DNAH7: variants seen among roughly 807,000 people sequenced by gnomAD.
DNAH7 encodes axonemal beta dynein heavy chain 7.
Under a neutral mutation model 444.6 loss-of-function variants are expected in DNAH7, and 397 were observed. That is an observed-to-expected ratio of 0.89 (90% CI 0.82 to 0.97). The LOEUF (loss-of-function observed/expected upper bound fraction) is 0.97, where lower values mean the gene tolerates loss of function less well. Among genes scored for constraint, DNAH7 ranks in the 50% least tolerant of loss-of-function variants. The probability of loss-of-function intolerance (pLI) is 0.00; values close to 1 mark genes in which losing one functional copy is unlikely to be tolerated. For missense variants in DNAH7, 4,902 were observed against 4,800.8 expected, an observed-to-expected ratio of 1.02 and a Z score of -0.62; for synonymous variants, 1,636 against 1,624.4, an observed-to-expected ratio of 1.01 and a Z score of -0.17.
chr2:195,863,840 C>T (rs1700161445), intron 41 of DNAH7, among the ~76,000 whole-genome samples: 1 of 152,178 alleles, frequency 6.6e-6, no homozygotes, highest in Non-Finnish European at 1.5e-5. Context: ...CCTCTGTGAA[C>T]AGTTCCTTCA....
intron 5 of DNAH7, among the ~76,000 whole-genome samples, chr2:196,029,249 CT>C (rs869068436): frequency 1.5e-5 from 2 of 135,306 alleles, no homozygotes; most frequent in South Asian, 2.1e-4. Flanking sequence ...ACCTCAGTAA[CT>C]TTTGTTTGTT....
chr2:195,875,596 GGAT>G, intron 38 of DNAH7, 76 bp downstream of exon 38: 1 of 1,365,998 alleles, frequency 7.3e-7, no homozygotes, highest in African/African-American at 1.5e-5. Context: ...ACTCAAAAGA[GGAT>G]TTTTTTCCAG....
Position 195,957,438 on chromosome 2 carries a change from C to T in DNAH7, c.2901G>A (p.Glu967=), listed in dbSNP as rs768034181. 1.3e-6 allele frequency: 2 copies of T among 1,546,340 alleles called. No individual in the cohort carries two copies. The highest frequency in any genetic ancestry group is 1.8e-6 in the Non-Finnish European group (2 of 1,135,460). ...KPYEKQMREW[E]GKLLLLQEIL... ...TCTCCTGAAGCAGTAGGAGCTTGCCCTCCCATTCTCTGAGGAGCAAAACAC... is the reference window on the plus strand; with the variant it reads ...TCTCCTGAAGCAGTAGGAGCTTGCCTTCCCATTCTCTGAGGAGCAAAACAC... Residue 967 remains glutamate (E), a synonymous_variant, in exon 19 of 65, where the codon GAG becomes GAA. Transcript: ENST00000312428.
rs1010813597 is a variant in DNAH7, at chr2:196,068,531, T to C, written c.15+166A>G. ...GCTGGGAAGGGAACTTATAAGGGCA[T>C]TCACGGAAAGCGCTCAGTAACCCAG... On this transcript the variant is annotated intron_variant, in intron 1 of 64. Coordinates refer to ENST00000312428, the MANE Select transcript of DNAH7 (RefSeq NM_018897.3). 2.9e-5 allele frequency: 26 copies of C among 884,970 alleles called. No homozygotes were observed. In the Admixed American group the frequency reaches 6.8e-4, roughly 23 times the overall value. The allele number at this position is 884,970 out of a possible 1,614,324, so 54.8% of individuals were successfully genotyped here.
At chr2:195,932,030 T>G (rs374575821) in intron 21 of DNAH7, among the ~76,000 whole-genome samples, 9 of 152,194 alleles carry the variant, frequency 5.9e-5, no homozygotes, top group African/African-American at 2.2e-4. Context: ...GCCATTTTCA[T>G]GATATTGATT....
At chr2:195,939,971 C>T (rs901982890) in intron 19 of DNAH7, among the ~76,000 whole-genome samples, 2 of 152,140 alleles carry the variant, frequency 1.3e-5, no homozygotes, top group East Asian at 1.9e-4. Flanking sequence ...AGATTCAATG[C>T]TATTCCCCTC....
At chr2:196,030,837 C>T (rs1358803726) in intron 5 of DNAH7, among the ~76,000 whole-genome samples, 1 of 152,258 alleles carries the variant, frequency 6.6e-6, no homozygotes, top group African/African-American at 2.4e-5. Context: ...TTTCAGGGTA[C>T]AGCCTCACTC....
intron 15 of DNAH7, among the ~76,000 whole-genome samples, chr2:195,974,000 C>T (rs1692022985): frequency 6.6e-6 from 1 of 151,968 alleles, no homozygotes; most frequent in African/African-American, 2.4e-5. Context: ...TTGCTTGAAC[C>T]CAGGAGGCAG....
chr2:196,065,466 G>T (rs991363877), intron 1 of DNAH7, among the ~76,000 whole-genome samples: 1 of 152,206 alleles, frequency 6.6e-6, no homozygotes, highest in Non-Finnish European at 1.5e-5. Flanking sequence ...TGTGATGGTT[G>T]TGCTCTGCCT....
chr2:195,748,239 A>C (rs13411419), intron 63 of DNAH7, among the ~76,000 whole-genome samples: 110,906 of 152,030 alleles, frequency 0.73, 40,566 homozygotes, highest in Non-Finnish European at 0.75. Context: ...TTCACAACTT[A>C]TTCAAAGAGA....
At chr2:195,769,781 G>A (rs895240910) in intron 61 of DNAH7, among the ~76,000 whole-genome samples, 4 of 151,762 alleles carry the variant, frequency 2.6e-5, no homozygotes, top group Admixed American at 1.3e-4. Context: ...GCTTGCCACC[G>A]AAAAATGCTC....
At chr2:196,056,951 T>A (rs1697846009) in intron 2 of DNAH7, among the ~76,000 whole-genome samples, 1 of 152,110 alleles carries the variant, frequency 6.6e-6, no homozygotes, top group Non-Finnish European at 1.5e-5. Flanking sequence ...GAATGAGGTG[T>A]GCAGAAAGGG....
intron 22 of DNAH7, among the ~76,000 whole-genome samples, chr2:195,925,643 C>G (rs1370176305): frequency 6.6e-6 from 1 of 152,194 alleles, no homozygotes; most frequent in Non-Finnish European, 1.5e-5. Context: ...CAGTCCCTTA[C>G]TCTTTGGAAT....
chr2:195,906,786 C>A lies in DNAH7; in HGVS notation c.4208G>T (p.Gly1403Val), dbSNP rs1423495472. 1 of 1,613,004 alleles carries A rather than the reference C, an allele frequency of 6.2e-7. No homozygotes were observed. The highest frequency in any genetic ancestry group is 1.7e-5 in the Admixed American group (1 of 59,886). Residue 1403 changes from glycine (G) to valine (V), a missense_variant and splice_region_variant, in exon 27 of 65, where the codon GGT becomes GTT. Gly to Val is a moderately radical substitution (Grantham distance 109). Transcript: ENST00000312428. ...CAGTATATCAGCACCTGCATTAATACCTGTAGGTAATCAGGAATGAAATGA... is the reference window on the plus strand; with the variant it reads ...CAGTATATCAGCACCTGCATTAATAACTGTAGGTAATCAGGAATGAAATGA... Reference protein sequence around the residue: ...VAQQILTIQRGINAGADILMF... With the variant: ...VAQQILTIQRVINAGADILMF...
chr2:195,885,232 G>T (rs341946), intron 34 of DNAH7, among the ~76,000 whole-genome samples: 42,137 of 151,996 alleles, frequency 0.28, 8,759 homozygotes, highest in African/African-American at 0.59. Flanking sequence ...AAATTTAAAT[G>T]ATTTTATTTG....
chr2:196,044,301 T>C (rs1696964105), intron 5 of DNAH7, among the ~76,000 whole-genome samples: 1 of 151,952 alleles, frequency 6.6e-6, no homozygotes, highest in African/African-American at 2.4e-5. Context: ...GCAACGTGGA[T>C]GGAGTTGGTG....
intron 40 of DNAH7, among the ~76,000 whole-genome samples, chr2:195,869,110 A>C (rs1012088978): frequency 6.6e-6 from 1 of 151,826 alleles, no homozygotes; most frequent in African/African-American, 2.4e-5. Context: ...GGTTTTATTG[A>C]GTGAAAGTGA....
intron 17 of DNAH7, among the ~76,000 whole-genome samples, chr2:195,969,174 T>C (rs1691677886): frequency 6.6e-6 from 1 of 152,198 alleles, no homozygotes; most frequent in Non-Finnish European, 1.5e-5. Context: ...CTGTGGGTGG[T>C]GGGGGGAGCA....
At chr2:195,861,668 T>G in intron 42 of DNAH7, 49 bp downstream of exon 42, 1 of 1,330,300 alleles carries the variant, frequency 7.5e-7, no homozygotes, top group Non-Finnish European at 1.1e-6. Flanking sequence ...CACACACAAG[T>G]ATTTTTAATT....
Sources: allele counts gnomAD v4.1 joint callset (sites outside exome capture counted in the v4.1 genomes callset), GRCh38; gene constraint gnomAD v4.1.1; transcripts MANE v1.5; gene names NCBI Gene and HGNC (gene_info 2026-07-23, HGNC 2026-07-21).